GRID2: variants seen among roughly 807,000 people sequenced by gnomAD.
GRID2 encodes the protein glutamate receptor ionotropic, delta-2.
Under a neutral mutation model 114.8 loss-of-function variants are expected in GRID2, and 33 were observed. The ratio of observed to expected loss-of-function variants is 0.29; its 90% confidence interval spans 0.22 to 0.38. GRID2 has a LOEUF of 0.38. Ranked by LOEUF, GRID2 falls within the 10% of genes least tolerant of loss-of-function variation. The pLI, the probability that GRID2 is intolerant of heterozygous loss-of-function variation, is 1.00. For missense variants in GRID2, 1,184 were observed against 1,257.7 expected (o/e 0.94, Z 0.89); for synonymous variants, 505 against 449.9 (o/e 1.12, Z -1.55).
intron 2 of GRID2, among the ~76,000 whole-genome samples, chr4:92,815,180 A>C (rs1740833749): frequency 6.6e-6 from 1 of 152,136 alleles, no homozygotes; most frequent in Admixed American, 6.6e-5. Context: ...ATATTTCTCC[A>C]TCATATTCTT....
At position 92,666,617 on chromosome 4, in the gene GRID2, C is replaced by CT; in HGVS notation, c.244+76331_244+76332insT. Among the ~76,000 whole-genome samples the CT allele has an allele frequency of 2.2e-5, 3 of 138,516 alleles. No individual in the cohort carries two copies. The East Asian group carries it at 6.4e-4, about 30-fold the overall frequency. The allele number at this position is 138,516 out of a possible 152,430, so 90.9% of individuals were successfully genotyped here. A position where few individuals can be genotyped will look rare whatever the true frequency, so the allele number is the denominator to read the frequency against. On this transcript the variant is annotated intron_variant, in intron 2 of 15. Coordinates refer to ENST00000282020, the MANE Select transcript of GRID2 (RefSeq NM_001510.4). ...GGAATGCTGTAGGCTATCTCTATGC[C>CT]AAGGATTAGGCTGATGTGTAAACTT...
intron 2 of GRID2, among the ~76,000 whole-genome samples, chr4:93,042,830 A>G (rs1351504626): frequency 2.0e-5 from 3 of 151,576 alleles, no homozygotes; most frequent in African/African-American, 7.3e-5. Context: ...GAAAGAGACC[A>G]TACCATAACT....
At chr4:93,562,117 T>C (rs1349947906) in intron 13 of GRID2, among the ~76,000 whole-genome samples, 2 of 152,090 alleles carry the variant, frequency 1.3e-5, no homozygotes, top group South Asian at 2.1e-4. Flanking sequence ...TCCAACATAA[T>C]TGTACTATTT....
chr4:93,013,530 C>A (rs36053546), intron 2 of GRID2, among the ~76,000 whole-genome samples: 61,299 of 151,210 alleles, frequency 0.41, 12,706 homozygotes, highest in Middle Eastern at 0.55. Flanking sequence ...ATATATATAC[C>A]CACACACACA....
At chr4:92,872,729 G>A (rs1745362530) in intron 2 of GRID2, among the ~76,000 whole-genome samples, 1 of 152,206 alleles carries the variant, frequency 6.6e-6, no homozygotes, top group African/African-American at 2.4e-5. Context: ...CTCCAGCAAT[G>A]AGACATGCTG....
chr4:92,496,508 T>C (rs2149118727), intron 1 of GRID2, among the ~76,000 whole-genome samples: 1 of 152,004 alleles, frequency 6.6e-6, no homozygotes, highest in East Asian at 1.9e-4. Flanking sequence ...ACTAAAACTG[T>C]AACAGAAATT....
chr4:93,100,623 A>T (rs945101564), intron 3 of GRID2, among the ~76,000 whole-genome samples: 1 of 152,044 alleles, frequency 6.6e-6, no homozygotes, highest in Non-Finnish European at 1.5e-5. Context: ...TTCAAATATT[A>T]ATTTTAATGC....
chr4:92,493,993 G>T (rs890427338), intron 1 of GRID2, among the ~76,000 whole-genome samples: 1 of 152,102 alleles, frequency 6.6e-6, no homozygotes, highest in Admixed American at 6.6e-5. Flanking sequence ...ATTAGTATTA[G>T]CTCCTTGCAC....
rs1388304548 is a variant in GRID2, at chr4:93,626,372, C to T, written c.2297C>T (p.Ala766Val). The T allele has an allele frequency of 6.2e-7, 1 of 1,610,000 alleles. No individual in the cohort carries two copies. The highest frequency in any genetic ancestry group is 1.7e-4 in the Middle Eastern group (1 of 6,050). Reference protein sequence around the residue: ...CSFYTIGNTVADRGYGIALQH... With the variant: ...CSFYTIGNTVVDRGYGIALQH... The stretch of plus-strand genomic sequence containing the variant: ...TTTTACACCATTGGAAATACTGTTG[C>T]TGATCGGGGATATGGAATTGCATTA... The change falls in exon 14 of 16, where the codon GCT becomes GTT. Residue 766 changes from alanine (A) to valine (V), a missense_variant. By Grantham distance (64) the Ala-to-Val change is moderately conservative (BLOSUM62 0). Around this residue, in one of 3 missense-constraint regions of GRID2, gnomAD observed 717 missense variants for 796.9 expected, o/e 0.90. Coordinates refer to ENST00000282020, the MANE Select transcript of GRID2 (RefSeq NM_001510.4).
intron 13 of GRID2, among the ~76,000 whole-genome samples, chr4:93,528,001 T>C (rs1731083751): frequency 6.6e-6 from 1 of 152,114 alleles, no homozygotes; most frequent in Non-Finnish European, 1.5e-5. Context: ...TAGCATAATG[T>C]CCTCTAGGTT....
At chr4:93,790,547 A>G (rs1734675187) in intron 1 of GRID2, among the ~76,000 whole-genome samples, 1 of 82,672 alleles carries the variant, frequency 1.2e-5, no homozygotes, top group African/African-American at 3.9e-5. Flanking sequence ...TTATTTAACT[A>G]TAATTTTTTT....
At chr4:93,589,835 G>C (rs1285306389) in intron 13 of GRID2, among the ~76,000 whole-genome samples, 1 of 151,860 alleles carries the variant, frequency 6.6e-6, no homozygotes, top group East Asian at 1.9e-4. Context: ...GTGTTTTTTG[G>C]CTGCATAAAT....
intron 14 of GRID2, among the ~76,000 whole-genome samples, chr4:93,659,675 A>C (rs1419312295): frequency 6.6e-6 from 1 of 152,168 alleles, no homozygotes; most frequent in Non-Finnish European, 1.5e-5. Flanking sequence ...GGAAGAAGAG[A>C]TATAATGAAA....
At chr4:92,394,175 T>C (rs2110266231) in intron 1 of GRID2, among the ~76,000 whole-genome samples, 1 of 152,302 alleles carries the variant, frequency 6.6e-6, no homozygotes, top group African/African-American at 2.4e-5. Context: ...ATCACTAATA[T>C]ATTATTTGTA....
At chr4:93,494,474 T>C (rs1727330311) in intron 12 of GRID2, among the ~76,000 whole-genome samples, 2 of 151,836 alleles carry the variant, frequency 1.3e-5, no homozygotes, top group South Asian at 4.1e-4. Context: ...GGAAGCTGAA[T>C]AATTTCATAA....
intron 13 of GRID2, among the ~76,000 whole-genome samples, chr4:93,554,168 A>G (rs1422837285): frequency 2.0e-5 from 3 of 152,196 alleles, no homozygotes; most frequent in African/African-American, 7.2e-5. Flanking sequence ...TGGATAATAT[A>G]TACAAAAAAT....
chr4:93,765,593 T>A (rs1370542903), intron 14 of GRID2, among the ~76,000 whole-genome samples: 2 of 138,310 alleles, frequency 1.4e-5, no homozygotes, highest in South Asian at 4.6e-4. Flanking sequence ...TATTAGAATT[T>A]AAATAGGTGA....
chr4:93,105,186 C>T (rs1338230781), intron 3 of GRID2, among the ~76,000 whole-genome samples: 1 of 151,990 alleles, frequency 6.6e-6, no homozygotes, highest in African/African-American at 2.4e-5. Flanking sequence ...TGTTTGAGTT[C>T]ATTGTAGATT....
intron 2 of GRID2, among the ~76,000 whole-genome samples, chr4:92,651,172 G>T (rs1258528401): frequency 2.0e-5 from 3 of 152,060 alleles, no homozygotes; most frequent in African/African-American, 7.2e-5. Context: ...CCTGTATCCA[G>T]AATAAATGTC....
Sources: gnomAD v4.1 joint callset for allele counts (sites outside exome capture counted in the v4.1 genomes callset) on GRCh38, gnomAD v4.1.1 for gene constraint, gnomAD v4.1.1 regional missense constraint, MANE v1.5 for transcripts, NCBI Gene and HGNC (gene_info 2026-07-23, HGNC 2026-07-21) for gene names.